KIF21A: variants seen among roughly 807,000 people sequenced by gnomAD.
KIF21A encodes the protein kinesin family member 21A.
Under a neutral mutation model 202.9 loss-of-function variants are expected in KIF21A, and 114 were observed. That is an observed-to-expected ratio of 0.56 (90% CI 0.48 to 0.66). KIF21A has a LOEUF of 0.66. KIF21A is among the 30% of genes least tolerant of loss of function. The pLI is 0.00. For synonymous variants in KIF21A, 667 were observed against 670.8 expected (o/e 0.99, Z 0.09); for missense variants, 1,677 against 1,994.9 (o/e 0.84, Z 3.04).
intron 25 of KIF21A, 61 bp downstream of exon 25, chr12:39,326,203 A>T (rs1282444279): frequency 8.3e-7 from 1 of 1,204,050 alleles, no homozygotes; most frequent in Non-Finnish European, 1.2e-6. Flanking sequence ...GTTTGATACA[A>T]GATGAAAGTA....
chr12:39,433,812 A>C (rs1486783347), intron 1 of KIF21A, among the ~76,000 whole-genome samples: 1 of 152,224 alleles, frequency 6.6e-6, no homozygotes, highest in East Asian at 1.9e-4. Context: ...TATTGAAAGC[A>C]AAAGAAAACG....
chr12:39,381,554 A>G (rs1473714478), intron 1 of KIF21A, among the ~76,000 whole-genome samples: 1 of 152,196 alleles, frequency 6.6e-6, no homozygotes, highest in Non-Finnish European at 1.5e-5. Context: ...ACCAATTTTT[A>G]CCATCAAGGA....
chr12:39,309,915 T>C, intron 32 of KIF21A, 149 bp from the exon 33 acceptor site: 1 of 713,912 alleles, frequency 1.4e-6, no homozygotes. Context: ...AACTTCATCC[T>C]TGACCCTCTG....
chr12:39,415,197 A>G (rs1373183729), intron 1 of KIF21A, among the ~76,000 whole-genome samples: 1 of 143,596 alleles, frequency 7.0e-6, no homozygotes, highest in East Asian at 2.1e-4. Flanking sequence ...CAAAATCAGG[A>G]CGGAAATTTT....
At chr12:39,415,230 C>CTTTTT (rs1161997461) in intron 1 of KIF21A, among the ~76,000 whole-genome samples, 9 of 55,460 alleles carry the variant, frequency 1.6e-4, no homozygotes, top group African/African-American at 2.3e-4. Context: ...GTAGAGAATG[C>CTTTTT]TTTTTTTTTT....
rs1949652600 is a variant in KIF21A at position 39,367,091 on chromosome 12, C to T, written c.674G>A (p.Arg225His). ...ASTQMNVQSS[R>H]SHAIFTIHVC... is the part of the protein sequence containing the mutation. ...ATGAATGGTAAAAATGGCATGTGAA[C>T]GAGAGCTCTGAACATTCATCTGGGT... Residue 225 changes from arginine (R) to histidine (H), a missense_variant, in exon 5 of 38, where the codon CGT becomes CAT. Arg to His is a conservative substitution (Grantham distance 29). This residue lies in a region of KIF21A where 966 missense variants were observed against 1,180.9 expected (regional missense o/e 0.82). Transcript: ENST00000361418. 1.2e-6 allele frequency: 2 copies of T among 1,613,470 alleles called. No homozygotes were observed. The highest frequency in any genetic ancestry group is 1.3e-5 in the African/African-American group (1 of 74,860).
In KIF21A at chr12:39,334,996, G is replaced by T. The variant is rs1259134891; in HGVS notation, c.2419-1716C>A. ...ATATAAAATAAACAGCCAAAAAATG[G>T]AAAGAACCCAAACGTCTATCAACTG... On this transcript the variant is annotated intron_variant, in intron 17 of 37. Transcript: ENST00000361418. 2.0e-5 allele frequency among the ~76,000 whole-genome samples: 3 copies of T among 152,018 alleles called. No homozygotes were observed. In the East Asian group the frequency reaches 5.8e-4, roughly 29 times the overall value.
At position 39,417,739 on chromosome 12, in the gene KIF21A, T is replaced by C. The variant is rs751900761; in HGVS notation, c.44+25188A>G. ...TATATTCGGTCAGGTATTGAATAAT[T>C]TAAAACCTGAACTAGGGCAGCAACA... On this transcript the variant is annotated intron_variant, in intron 1 of 37. Coordinates refer to ENST00000361418, the MANE Select transcript of KIF21A (RefSeq NM_001173464.2). Among the ~76,000 whole-genome samples, 6 of 152,084 alleles carry C rather than the reference T, an allele frequency of 3.9e-5. No individual in the cohort carries two copies. The South Asian group carries it at 1.2e-3, about 31-fold the overall frequency.
At chr12:39,382,525 C>T (rs1167832490) in intron 1 of KIF21A, among the ~76,000 whole-genome samples, 1 of 152,078 alleles carries the variant, frequency 6.6e-6, no homozygotes, top group African/African-American at 2.4e-5. Flanking sequence ...CTCCGGTCAA[C>T]ATGAATTTAA....
intron 1 of KIF21A, among the ~76,000 whole-genome samples, chr12:39,397,177 A>G (rs1444911687): frequency 6.6e-6 from 1 of 152,222 alleles, no homozygotes; most frequent in East Asian, 1.9e-4. Context: ...GGTGAATTTT[A>G]TGGTCTATAA....
intron 1 of KIF21A, among the ~76,000 whole-genome samples, chr12:39,388,901 C>A (rs183411627): frequency 9.2e-5 from 14 of 152,228 alleles, no homozygotes; most frequent in Admixed American, 7.9e-4. Context: ...ACTGAAACCT[C>A]ACTGAAAGAA....
chr12:39,338,924 A>C (rs116918054), intron 16 of KIF21A, among the ~76,000 whole-genome samples: 293 of 152,336 alleles, frequency 1.9e-3, no homozygotes, highest in Middle Eastern at 3.4e-3. Flanking sequence ...TTTGTAAAAA[A>C]TGCAATATCT....
intron 33 of KIF21A, among the ~76,000 whole-genome samples, chr12:39,309,255 A>G (rs1262020789): frequency 6.6e-6 from 1 of 152,182 alleles, no homozygotes; most frequent in African/African-American, 2.4e-5. Context: ...GAAGCAAGTA[A>G]TATAAAACAT....
chr12:39,424,016 A>G (rs548380504), intron 1 of KIF21A, among the ~76,000 whole-genome samples: 1 of 144,620 alleles, frequency 6.9e-6, no homozygotes, highest in South Asian at 2.2e-4. Flanking sequence ...AAAAAAAGGC[A>G]GTCAGAAGAG....
At chr12:39,353,700 T>C (rs142613782) in intron 10 of KIF21A, among the ~76,000 whole-genome samples, 1 of 152,262 alleles carries the variant, frequency 6.6e-6, no homozygotes, top group African/African-American at 2.4e-5. Context: ...TAAAATTTGT[T>C]TTTTACATAA....
chr12:39,395,274 C>T (rs973250888), intron 1 of KIF21A, among the ~76,000 whole-genome samples: 8 of 152,160 alleles, frequency 5.3e-5, no homozygotes, highest in Non-Finnish European at 8.8e-5. Context: ...GCTAGGCTGA[C>T]TCATTTCTGC....
intron 10 of KIF21A, among the ~76,000 whole-genome samples, chr12:39,355,765 T>C (rs1948737125): frequency 6.9e-6 from 1 of 145,396 alleles, no homozygotes; most frequent in Admixed American, 6.9e-5. Context: ...AATATATATG[T>C]ACACACACAC....
chr12:39,370,485 TCATGAACAAAG>T (rs1949881246), intron 1 of KIF21A, among the ~76,000 whole-genome samples: 1 of 152,062 alleles, frequency 6.6e-6, no homozygotes, highest in East Asian at 1.9e-4. Context: ...TCCCCCAAAA[TCATGAACAAAG>T]TAAAATCCAT....
intron 1 of KIF21A, among the ~76,000 whole-genome samples, chr12:39,407,104 A>G (rs1344025861): frequency 6.6e-6 from 1 of 152,142 alleles, no homozygotes; most frequent in Non-Finnish European, 1.5e-5. Flanking sequence ...TTGCTCCTAG[A>G]ATTATTCCTT....
Sources: gnomAD v4.1 joint callset for allele counts (sites outside exome capture counted in the v4.1 genomes callset) on GRCh38, gnomAD v4.1.1 for gene constraint, gnomAD v4.1.1 regional missense constraint, MANE v1.5 for transcripts, NCBI Gene and HGNC (gene_info 2026-07-23, HGNC 2026-07-21) for gene names.